CHN2: variants seen among roughly 807,000 people sequenced by gnomAD.
The protein encoded by CHN2 is beta-chimaerin.
A neutral mutation model predicts 56.3 loss-of-function variants in CHN2; 35 were observed. That is an observed-to-expected ratio of 0.62 (90% CI 0.47 to 0.82). The LOEUF (loss-of-function observed/expected upper bound fraction) is 0.82. CHN2 is among the 40% of genes least tolerant of loss of function. The pLI, the probability that CHN2 is intolerant of heterozygous loss-of-function variation, is 0.00. For synonymous variants in CHN2, 210 were observed against 212.8 expected (o/e 0.99, Z 0.12); for missense variants, 491 against 580.5 (o/e 0.85, Z 1.58).
chr7:29,198,263 G>A (rs941175980), intron 1 of CHN2, among the ~76,000 whole-genome samples: 3 of 152,162 alleles, frequency 2.0e-5, no homozygotes, highest in Admixed American at 1.3e-4. Flanking sequence ...GAATAGCTGC[G>A]GGAGATTTAG....
chr7:29,296,598 A>G (rs552494411), intron 1 of CHN2, among the ~76,000 whole-genome samples: 1 of 152,284 alleles, frequency 6.6e-6, no homozygotes, highest in Non-Finnish European at 1.5e-5. Flanking sequence ...AGTTAGCTTC[A>G]TTTGCCTAAC....
At chr7:29,321,542 G>C (rs560891189) in intron 1 of CHN2, among the ~76,000 whole-genome samples, 3 of 150,304 alleles carry the variant, frequency 2.0e-5, no homozygotes, top group Admixed American at 6.6e-5. Flanking sequence ...TGCTTGAACC[G>C]TCTTTTCTTT....
At chr7:29,339,650 C>G (rs1460949547) in intron 1 of CHN2, among the ~76,000 whole-genome samples, 2 of 152,062 alleles carry the variant, frequency 1.3e-5, no homozygotes, top group East Asian at 3.9e-4. Context: ...GTCAGGAGTT[C>G]AAGACCAACC....
At chr7:29,456,650 G>A (rs1012877456) in intron 6 of CHN2, among the ~76,000 whole-genome samples, 20 of 108,756 alleles carry the variant, frequency 1.8e-4, no homozygotes, top group Admixed American at 1.3e-3. Context: ...CCCTCTTCTC[G>A]CCATTCTGAT....
intron 6 of CHN2, among the ~76,000 whole-genome samples, chr7:29,410,933 C>T (rs1803145220): frequency 6.6e-6 from 1 of 152,204 alleles, no homozygotes; most frequent in Non-Finnish European, 1.5e-5. Flanking sequence ...TCCCTAAACT[C>T]TCCTCCCTTA....
At chr7:29,450,983 C>T (rs1784364880) in intron 6 of CHN2, among the ~76,000 whole-genome samples, 1 of 151,986 alleles carries the variant, frequency 6.6e-6, no homozygotes, top group Non-Finnish European at 1.5e-5. Context: ...CTTGGCCAGG[C>T]TGATCTTGAA....
chr7:29,331,062 T>A (rs893555242), intron 1 of CHN2, among the ~76,000 whole-genome samples: 2 of 152,174 alleles, frequency 1.3e-5, no homozygotes, highest in African/African-American at 4.8e-5. Context: ...CCCTCTCCTT[T>A]TGGGCAACGT....
chr7:29,160,676 T>C (rs769869144), intron 2 of CHN2, among the ~76,000 whole-genome samples: 1 of 152,178 alleles, frequency 6.6e-6, no homozygotes, highest in Non-Finnish European at 1.5e-5. Flanking sequence ...GAAAACGTGA[T>C]GATGCCTGGT....
rs369289121 is a variant in CHN2 at position 29,427,921 on chromosome 7, C to G, written c.576+27093C>G. Among the ~76,000 whole-genome samples the G allele has an allele frequency of 2.6e-5, 4 of 152,196 alleles. No individual in the cohort carries two copies. In the East Asian group the frequency reaches 7.7e-4, roughly 29 times the overall value. ...CCACCCGCCTCAGCCTCCCAAAGTG[C>G]TGGGATTATAGGTTTGAACCTCCGC... On this transcript the variant is annotated intron_variant, in intron 6 of 12. Transcript: ENST00000222792.
intron 6 of CHN2, among the ~76,000 whole-genome samples, chr7:29,444,480 G>A (rs1783894914): frequency 6.6e-6 from 1 of 152,170 alleles, no homozygotes; most frequent in Non-Finnish European, 1.5e-5. Context: ...TATTGTAGCT[G>A]AAATGGCTGG....
intron 6 of CHN2, among the ~76,000 whole-genome samples, chr7:29,447,919 T>C (rs1005679565): frequency 1.3e-5 from 2 of 152,130 alleles, no homozygotes; most frequent in Non-Finnish European, 2.9e-5. Context: ...TGCAAAAAAA[T>C]AGAAATTTCC....
chr7:29,466,183 CAG>C (rs1430681417), intron 6 of CHN2, among the ~76,000 whole-genome samples: 1 of 150,970 alleles, frequency 6.6e-6, no homozygotes, highest in Non-Finnish European at 1.5e-5. Flanking sequence ...GCCTGGGAGA[CAG>C]AGTGAAATTG....
chr7:29,205,308 G>A (rs1210340236), intron 1 of CHN2, among the ~76,000 whole-genome samples: 1 of 151,974 alleles, frequency 6.6e-6, no homozygotes, highest in East Asian at 1.9e-4. Flanking sequence ...AATTAATGTG[G>A]GTTCATTGGA....
At chr7:29,510,827 A>C (rs1436020898) in intron 12 of CHN2, among the ~76,000 whole-genome samples, 1 of 152,190 alleles carries the variant, frequency 6.6e-6, no homozygotes, top group Admixed American at 6.5e-5. Context: ...GCTGAGGTCC[A>C]TCTCAGAGAG....
intron 6 of CHN2, among the ~76,000 whole-genome samples, chr7:29,469,013 C>G (rs1785807639): frequency 6.6e-6 from 1 of 152,090 alleles, no homozygotes. Context: ...GTTCCTATAC[C>G]CAAAATGGAG....
exon 1 of CHN2, chr7:29,146,609 G>C (rs1792713638): frequency 8.4e-6 from 13 of 1,550,490 alleles, no homozygotes; most frequent in Non-Finnish European, 1.1e-5. Flanking sequence ...AGGGCAAAAA[G>C]TGCGTCGTCG....
At chr7:29,240,357 T>A (rs140970437) in intron 1 of CHN2, among the ~76,000 whole-genome samples, 45 of 152,326 alleles carry the variant, frequency 3.0e-4, no homozygotes, top group African/African-American at 1.1e-3. Context: ...GAATGAGTAT[T>A]GACTCCATCT....
At chr7:29,364,936 A>G (rs1799027624) in intron 2 of CHN2, among the ~76,000 whole-genome samples, 1 of 152,076 alleles carries the variant, frequency 6.6e-6, no homozygotes. Context: ...CTGAATATGC[A>G]TTATTATTTT....
intron 1 of CHN2, among the ~76,000 whole-genome samples, chr7:29,351,559 G>A (rs948424211): frequency 2.6e-5 from 4 of 152,168 alleles, no homozygotes; most frequent in Admixed American, 6.5e-5. Context: ...CAGGAACCTG[G>A]CAGGTAGAGC....
Sources: allele counts gnomAD v4.1 joint callset (sites outside exome capture counted in the v4.1 genomes callset), GRCh38; gene constraint gnomAD v4.1.1; transcripts MANE v1.5; gene names NCBI Gene and HGNC (gene_info 2026-07-23, HGNC 2026-07-21).